Variants in KIAA1217 observed in about 807,000 individuals in gnomAD.
KIAA1217 encodes sickle tail protein homolog.
A neutral mutation model predicts 163.9 loss-of-function variants in KIAA1217; 88 were observed. The ratio of observed to expected loss-of-function variants is 0.54; its 90% CI spans 0.45 to 0.64. KIAA1217 has a LOEUF of 0.64. Among genes scored for constraint, KIAA1217 ranks in the 30% least tolerant of loss-of-function variants. KIAA1217 has a pLI of 0.00. For missense variants in KIAA1217, 2,372 were observed against 2,475.0 expected (o/e 0.96, Z 0.88); for synonymous variants, 903 against 923.1 (o/e 0.98, Z 0.39).
chr10:23,695,828 G>T lies in KIAA1217; in HGVS notation c.-321+594G>T, dbSNP rs1835997838. On this transcript the variant is annotated intron_variant, in intron 1 of 18. Coordinates refer to the KIAA1217 transcript ENST00000376462. This position sits in a 1 kb window ranked among gnomAD's most constrained non-coding sequence, Gnocchi z 4.9. Reference sequence around the variant, plus strand: ...GCAGAGGTCGAGGCAGGAGGCGAATGTGACGCTTAGGGTCGCTACGGTTGA... The same window carrying T: ...GCAGAGGTCGAGGCAGGAGGCGAATTTGACGCTTAGGGTCGCTACGGTTGA... Among the ~76,000 whole-genome samples the T allele has an allele frequency of 6.6e-6, 1 of 152,228 alleles. No individual in the cohort carries two copies. The highest frequency in any genetic ancestry group is 2.4e-5 in the African/African-American group (1 of 41,476).
At chr10:23,795,547 CAT>C (rs1312279841) in intron 1 of KIAA1217, among the ~76,000 whole-genome samples, 1 of 152,168 alleles carries the variant, frequency 6.6e-6, no homozygotes, top group Non-Finnish European at 1.5e-5. Flanking sequence ...TAGGCAAAAT[CAT>C]AAATCATTAT....
At chr10:23,899,650 A>G (rs1008868658) in intron 1 of KIAA1217, among the ~76,000 whole-genome samples, 4 of 152,088 alleles carry the variant, frequency 2.6e-5, no homozygotes, top group African/African-American at 9.7e-5. Context: ...TCAACAACTT[A>G]TCTCCTGATG....
At chr10:23,896,093 G>A (rs1841683678) in intron 1 of KIAA1217, among the ~76,000 whole-genome samples, 1 of 151,758 alleles carries the variant, frequency 6.6e-6, no homozygotes, top group Non-Finnish European at 1.5e-5. Flanking sequence ...GTATACATAT[G>A]TAACTAACCT....
chr10:23,709,126 G>A (rs1055157192), intron 1 of KIAA1217, among the ~76,000 whole-genome samples: 3 of 152,158 alleles, frequency 2.0e-5, no homozygotes, highest in African/African-American at 7.2e-5. Context: ...CCCTCCAGAT[G>A]TTTTGACTGG....
intron 1 of KIAA1217, among the ~76,000 whole-genome samples, chr10:23,871,146 G>A (rs544034760): frequency 3.3e-5 from 5 of 151,482 alleles, no homozygotes; most frequent in Non-Finnish European, 7.4e-5. Flanking sequence ...AAGATTATTT[G>A]TCTTAACTGG....
chr10:23,943,725 T>C (rs944823882), intron 1 of KIAA1217, among the ~76,000 whole-genome samples: 1 of 152,218 alleles, frequency 6.6e-6, no homozygotes, highest in Non-Finnish European at 1.5e-5. Flanking sequence ...TCAAGACTTC[T>C]ATGAAGCCAA....
At chr10:23,873,949 A>G (rs1281793011) in intron 1 of KIAA1217, among the ~76,000 whole-genome samples, 1 of 152,070 alleles carries the variant, frequency 6.6e-6, no homozygotes, top group African/African-American at 2.4e-5. Context: ...TGAACTGAGC[A>G]TTTAGCCTAT....
At chr10:24,111,973 TG>T (rs1487888896) in intron 2 of KIAA1217, among the ~76,000 whole-genome samples, 1 of 152,138 alleles carries the variant, frequency 6.6e-6, no homozygotes, top group Non-Finnish European at 1.5e-5. Flanking sequence ...GTTTTGTTTT[TG>T]TTTTTTTGTA....
intron 2 of KIAA1217, among the ~76,000 whole-genome samples, chr10:24,376,980 T>C (rs762341065): frequency 1.3e-5 from 2 of 152,192 alleles, no homozygotes; most frequent in Non-Finnish European, 2.9e-5. Context: ...GCACCTGTTA[T>C]GTTGGGTCCT....
At chr10:23,818,710 G>T (rs1320912942) in intron 1 of KIAA1217, among the ~76,000 whole-genome samples, 1 of 152,126 alleles carries the variant, frequency 6.6e-6, no homozygotes, top group African/African-American at 2.4e-5. Flanking sequence ...GAAGGGCCTT[G>T]GTTGCCTTGG....
At chr10:24,481,867 A>G (rs942949255) in intron 6 of KIAA1217, 1 of 152,186 alleles carries the variant, frequency 6.6e-6, no homozygotes, top group Non-Finnish European at 1.5e-5. Context: ...TAATGAAAAG[A>G]TGTCATTTGG....
chr10:23,801,307 A>G (rs1231761344), intron 1 of KIAA1217, among the ~76,000 whole-genome samples: 2 of 152,186 alleles, frequency 1.3e-5, no homozygotes, highest in Non-Finnish European at 2.9e-5. Context: ...GGGGAACATA[A>G]CACACTGGGG....
chr10:24,451,532 G>A (rs1276037566), intron 5 of KIAA1217, among the ~76,000 whole-genome samples: 2 of 152,240 alleles, frequency 1.3e-5, no homozygotes, highest in Non-Finnish European at 2.9e-5. Context: ...AACAGGGGAT[G>A]CAGCTGCTCA....
intron 1 of KIAA1217, among the ~76,000 whole-genome samples, chr10:23,960,207 G>A (rs867737034): frequency 2.8e-4 from 43 of 152,082 alleles, no homozygotes; most frequent in African/African-American, 9.4e-4. Context: ...AAGCCACCAC[G>A]CCCGGCCAGA....
At chr10:23,892,023 A>G (rs1405532994) in intron 1 of KIAA1217, among the ~76,000 whole-genome samples, 1 of 151,954 alleles carries the variant, frequency 6.6e-6, no homozygotes, top group Non-Finnish European at 1.5e-5. Context: ...TAAAATTTAT[A>G]ACTAATATTC....
intron 2 of KIAA1217, among the ~76,000 whole-genome samples, chr10:24,278,854 CT>C (rs11288814): frequency 0.061 from 8,606 of 140,748 alleles, 337 homozygotes; most frequent in African/African-American, 0.12. Context: ...ACTCAGATTA[CT>C]TTTTTTTTTT....
chr10:24,361,834 G>T (rs758382738), intron 2 of KIAA1217, among the ~76,000 whole-genome samples: 7 of 151,812 alleles, frequency 4.6e-5, no homozygotes, highest in Non-Finnish European at 1.0e-4. Context: ...AATTAGCCAG[G>T]CGTGGTGGCG....
chr10:24,015,477 C>T (rs1009725102), intron 2 of KIAA1217, among the ~76,000 whole-genome samples: 17 of 151,928 alleles, frequency 1.1e-4, no homozygotes, highest in African/African-American at 4.1e-4. Context: ...AACATAAGGC[C>T]AGGCATGGTG....
chr10:24,214,472 C>T (rs759270231), intron 1 of KIAA1217, among the ~76,000 whole-genome samples: 32 of 152,006 alleles, frequency 2.1e-4, no homozygotes, highest in Admixed American at 6.6e-5. Flanking sequence ...AGAGAGAGAA[C>T]GTGGAAGGTT....
Sources: allele counts gnomAD v4.1 joint callset (sites outside exome capture counted in the v4.1 genomes callset), GRCh38; gene constraint gnomAD v4.1.1; non-coding constraint Gnocchi (gnomAD v3.1); transcripts MANE v1.5; gene names NCBI Gene and HGNC (gene_info 2026-07-23, HGNC 2026-07-21).